Variants in CCDC3 observed in about 807,000 individuals in gnomAD.
The protein encoded by CCDC3 is coiled-coil domain-containing protein 3.
A neutral mutation model predicts 21.4 loss-of-function variants in CCDC3; 24 were observed. The observed-to-expected ratio is 1.12, with a 90% CI of 0.81 to 1.58. The LOEUF (loss-of-function observed/expected upper bound fraction) is 1.58. CCDC3 is among the 40% of genes most tolerant of loss of function. The pLI is 0.00. For missense variants in CCDC3, 425 were observed against 360.9 expected, an observed-to-expected ratio of 1.18 and a Z score of -1.44; for synonymous variants, 186 against 166.0, an observed-to-expected ratio of 1.12 and a Z score of -0.93.
chr10:12,943,316 G>C (rs1181657102), intron 2 of CCDC3, among the ~76,000 whole-genome samples: 3 of 152,062 alleles, frequency 2.0e-5, no homozygotes, highest in Non-Finnish European at 2.9e-5. Context: ...TCTTGGCCAA[G>C]GGAACCCCGA....
intron 2 of CCDC3, among the ~76,000 whole-genome samples, chr10:12,965,461 TA>T (rs920946366): frequency 1.3e-5 from 2 of 152,164 alleles, no homozygotes; most frequent in African/African-American, 4.8e-5. Context: ...ACACCACAAC[TA>T]AAATTATGGT....
At chr10:12,928,156 G>A (rs1834575787) in intron 2 of CCDC3, among the ~76,000 whole-genome samples, 1 of 152,158 alleles carries the variant, frequency 6.6e-6, no homozygotes, top group South Asian at 2.1e-4. Flanking sequence ...TAGAAGAGGT[G>A]ACTATACCAA....
intron 2 of CCDC3, among the ~76,000 whole-genome samples, chr10:12,909,850 G>A (rs1294346076): frequency 1.3e-5 from 2 of 152,146 alleles, no homozygotes; most frequent in Non-Finnish European, 2.9e-5. Context: ...AGGGTCTAGG[G>A]TATTGGGTAA....
At chr10:13,078,026 A>C (rs1205819664) in intron 3 of CCDC3, among the ~76,000 whole-genome samples, 2 of 152,226 alleles carry the variant, frequency 1.3e-5, no homozygotes, top group Non-Finnish European at 2.9e-5. Context: ...AATTAAACTA[A>C]AGAGCTTCTG....
At chr10:13,054,777 T>C (rs951896022) in intron 4 of CCDC3, among the ~76,000 whole-genome samples, 1 of 152,072 alleles carries the variant, frequency 6.6e-6, no homozygotes, top group African/African-American at 2.4e-5. Flanking sequence ...AATGATTCTC[T>C]TGCTTCGGCC....
intron 3 of CCDC3, among the ~76,000 whole-genome samples, chr10:13,076,775 C>T (rs750125316): frequency 4.6e-5 from 7 of 152,218 alleles, no homozygotes; most frequent in African/African-American, 9.6e-5. Context: ...GCAACTTCCT[C>T]CTTTCCCTTG....
At position 13,094,235 on chromosome 10, in the gene CCDC3, C is replaced by T. The variant is rs1412157209; in HGVS notation, c.-503+4290G>A. 2.3e-5 allele frequency among the ~76,000 whole-genome samples: 3 copies of T among 128,924 alleles called. No homozygotes were observed. The East Asian group carries it at 7.3e-4, about 31-fold the overall frequency. The allele number at this position is 128,924 out of a possible 152,430, so 84.6% of individuals were successfully genotyped here. A position where few individuals can be genotyped will look rare whatever the true frequency, so the allele number is the denominator to read the frequency against. Reference sequence around the variant, plus strand: ...ACCTGGCTCTTTCCCAGTGAGTTTACTTTTCAAGATGATGATGATGATGAT... The same window carrying T: ...ACCTGGCTCTTTCCCAGTGAGTTTATTTTTCAAGATGATGATGATGATGAT... On this transcript the variant is annotated intron_variant, in intron 3 of 6. Coordinates refer to the CCDC3 transcript ENST00000378839.
chr10:12,987,824 G>A (rs1835621350), intron 2 of CCDC3, among the ~76,000 whole-genome samples: 1 of 152,160 alleles, frequency 6.6e-6, no homozygotes, highest in South Asian at 2.1e-4. Context: ...AGACAAATTG[G>A]AAGAACACAG....
intron 2 of CCDC3, among the ~76,000 whole-genome samples, chr10:12,948,622 C>T (rs1167171528): frequency 6.6e-6 from 1 of 151,690 alleles, no homozygotes; most frequent in East Asian, 1.9e-4. Flanking sequence ...AGAGTTTGCC[C>T]TTCTTTAGAC....
chr10:13,030,555 TAA>T (rs1214925428), intron 5 of CCDC3, among the ~76,000 whole-genome samples: 1 of 151,966 alleles, frequency 6.6e-6, no homozygotes, highest in Admixed American at 6.6e-5. Flanking sequence ...GCAAACTGAA[TAA>T]AGACTCAAGA....
At chr10:13,093,236 AAAAG>A (rs1832596932) in intron 3 of CCDC3, among the ~76,000 whole-genome samples, 3 of 152,206 alleles carry the variant, frequency 2.0e-5, no homozygotes, top group Non-Finnish European at 4.4e-5. Context: ...GCGGAAGGCG[AAAAG>A]CACATCTTAC....
intron 3 of CCDC3, among the ~76,000 whole-genome samples, chr10:13,081,989 C>A (rs562972129): frequency 6.6e-6 from 1 of 152,342 alleles, no homozygotes; most frequent in Admixed American, 6.5e-5. Context: ...TCCTAAAATG[C>A]AGTACCCTGT....
chr10:13,041,801 T>C (rs1337577207), intron 5 of CCDC3, among the ~76,000 whole-genome samples: 2 of 151,314 alleles, frequency 1.3e-5, no homozygotes, highest in African/African-American at 4.9e-5. Flanking sequence ...GCAGCGAATC[T>C]TGATGGAGGC....
intron 2 of CCDC3, among the ~76,000 whole-genome samples, chr10:12,926,411 A>G (rs1834540602): frequency 6.6e-6 from 1 of 152,190 alleles, no homozygotes; most frequent in Non-Finnish European, 1.5e-5. Context: ...CAGGGCTGGC[A>G]TGGTGCCCAC....
chr10:12,914,423 C>G (rs569261686), intron 2 of CCDC3, among the ~76,000 whole-genome samples: 10 of 151,952 alleles, frequency 6.6e-5, no homozygotes, highest in African/African-American at 2.4e-4. Flanking sequence ...AGTGTAATTT[C>G]TCCTCTTTCA....
At chr10:12,899,273 T>TA (rs201702085) in intron 2 of CCDC3, among the ~76,000 whole-genome samples, 1,523 of 151,764 alleles carry the variant, frequency 0.01, 23 homozygotes, top group African/African-American at 0.034. Context: ...CATAATAACA[T>TA]AAAAAAAACA....
At chr10:13,093,555 A>G (rs1277823593) in intron 3 of CCDC3, among the ~76,000 whole-genome samples, 1 of 152,234 alleles carries the variant, frequency 6.6e-6, no homozygotes, top group Non-Finnish European at 1.5e-5. Flanking sequence ...TGTATACCAA[A>G]TATAAGAAAT....
At chr10:13,004,726 G>T (rs192436291), upstream of CCDC3, among the ~76,000 whole-genome samples, 46 of 152,114 alleles carry the variant, frequency 3.0e-4, no homozygotes, top group Non-Finnish European at 4.3e-4. Flanking sequence ...TAGGCCAGCC[G>T]TGGTAAGAGG....
intron 4 of CCDC3, among the ~76,000 whole-genome samples, chr10:13,071,766 T>C (rs1836885007): frequency 6.6e-6 from 1 of 152,210 alleles, no homozygotes; most frequent in Admixed American, 6.5e-5. Context: ...GCTCCCTTCT[T>C]TCTGGATGGG....
Sources: gnomAD v4.1 joint callset for allele counts (sites outside exome capture counted in the v4.1 genomes callset) on GRCh38, gnomAD v4.1.1 for gene constraint, MANE v1.5 for transcripts, NCBI Gene and HGNC (gene_info 2026-07-23, HGNC 2026-07-21) for gene names.